The following SLC16A7 variants were observed in gnomAD, a reference collection of about 807,000 sequenced individuals.
SLC16A7 encodes monocarboxylate transporter 2.
Under a neutral mutation model 34.9 loss-of-function variants are expected in SLC16A7, and 33 were observed. The ratio of observed to expected loss-of-function variants is 0.94; its 90% CI spans 0.72 to 1.26. The LOEUF (loss-of-function observed/expected upper bound fraction) is 1.26, where lower values mean the gene tolerates loss of function less well. SLC16A7 is among the 50% of genes most tolerant of loss of function. SLC16A7 has a pLI of 0.00. For synonymous variants in SLC16A7, 201 were observed against 206.6 expected (o/e 0.97, Z 0.23); for missense variants, 573 against 578.1 (o/e 0.99, Z 0.09).
chr12:59,646,971 C>T (rs1270582062), intron 1 of SLC16A7, among the ~76,000 whole-genome samples: 3 of 152,092 alleles, frequency 2.0e-5, no homozygotes, highest in Non-Finnish European at 2.9e-5. Flanking sequence ...GTGTATATAC[C>T]CAATTCCTGT....
At chr12:59,648,395 G>A (rs1238031715) in intron 1 of SLC16A7, among the ~76,000 whole-genome samples, 1 of 152,098 alleles carries the variant, frequency 6.6e-6, no homozygotes, top group African/African-American at 2.4e-5. Flanking sequence ...GATTATAGAT[G>A]ATATTAATAT....
intron 2 of SLC16A7, among the ~76,000 whole-genome samples, chr12:59,681,403 C>T (rs888626411): frequency 2.6e-5 from 4 of 152,194 alleles, no homozygotes; most frequent in Admixed American, 6.5e-5. Flanking sequence ...AGTACACTAG[C>T]TCTGTAAGCA....
Position 59,732,632 on chromosome 12 carries a change from C to T in SLC16A7, c.217+27614C>T, listed in dbSNP as rs147051909. The stretch of plus-strand genomic sequence containing the variant: ...CAGGGAGTTTCAAACTCCTTTCTTC[C>T]TGTATTACTTAAATTTCTCAAATAC... On this transcript the variant is annotated intron_variant, in intron 3 of 5. Coordinates refer to ENST00000547379, the MANE Select transcript of SLC16A7 (RefSeq NM_001270623.2). 3.9e-5 allele frequency among the ~76,000 whole-genome samples: 6 copies of T among 152,272 alleles called. No homozygotes were observed. The East Asian group carries it at 1.2e-3, about 29-fold the overall frequency.
intron 3 of SLC16A7, chr12:59,768,260 A>T (rs1474385921): frequency 2.2e-6 from 1 of 452,676 alleles, no homozygotes; most frequent in Admixed American, 2.4e-5. Context: ...ACATTAACAG[A>T]AGTTTGGAAG....
intron 2 of SLC16A7, among the ~76,000 whole-genome samples, chr12:59,662,505 A>C (rs1868908319): frequency 6.6e-6 from 1 of 152,022 alleles, no homozygotes. Context: ...TACTTTTGAG[A>C]ATTTATAACC....
chr12:59,644,502 AACT>A (rs895656151), intron 1 of SLC16A7, among the ~76,000 whole-genome samples: 1 of 152,144 alleles, frequency 6.6e-6, no homozygotes, highest in African/African-American at 2.4e-5. Flanking sequence ...TGGAGGTGGA[AACT>A]GCAGTAAGCC....
chr12:59,704,115 G>A (rs1416245467), intron 2 of SLC16A7, among the ~76,000 whole-genome samples: 4 of 145,032 alleles, frequency 2.8e-5, no homozygotes, highest in Middle Eastern at 3.7e-3. Context: ...CAGGAGGATC[G>A]CTTGAACCTG....
chr12:59,772,928 T>G lies in SLC16A7; in HGVS notation c.361+1566T>G, dbSNP rs113804181. ...CAGGAAGTCTAAGTGTTTTGCCCAGTAATATAAAATAGGTACCTATTTGGA... is the reference window on the plus strand; with the variant it reads ...CAGGAAGTCTAAGTGTTTTGCCCAGGAATATAAAATAGGTACCTATTTGGA... On this transcript the variant is annotated intron_variant, in intron 4 of 5. Coordinates refer to ENST00000547379, the MANE Select transcript of SLC16A7 (RefSeq NM_001270623.2). Among the ~76,000 whole-genome samples, 174 of 152,196 alleles carry G rather than the reference T, an allele frequency of 1.1e-3. 2 individuals carry two copies. Among genetic ancestry groups the G allele is most frequent in the African/African-American group, 4.1e-3 (170 of 41,532 alleles).
At chr12:59,642,173 A>G (rs1880714299) in intron 1 of SLC16A7, among the ~76,000 whole-genome samples, 1 of 152,078 alleles carries the variant, frequency 6.6e-6, no homozygotes, top group Non-Finnish European at 1.5e-5. Context: ...TTGCTCTGTT[A>G]GCATTTCCTG....
At chr12:59,770,013 TGTTAA>T (rs1314990813) in intron 3 of SLC16A7, among the ~76,000 whole-genome samples, 1 of 152,102 alleles carries the variant, frequency 6.6e-6, no homozygotes, top group African/African-American at 2.4e-5. Context: ...TAGTCTCAAT[TGTTAA>T]GTTACACTGT....
chr12:59,627,039 A>G (rs1397796509), intron 1 of SLC16A7, among the ~76,000 whole-genome samples: 6 of 151,806 alleles, frequency 4.0e-5, no homozygotes, highest in Non-Finnish European at 1.5e-5. Context: ...GTTTAAATTA[A>G]TTCTTGTTAT....
At chr12:59,743,487 A>T (rs1172332430) in intron 3 of SLC16A7, among the ~76,000 whole-genome samples, 5 of 152,168 alleles carry the variant, frequency 3.3e-5, no homozygotes, top group Non-Finnish European at 5.9e-5. Context: ...CCTTAAAGGC[A>T]GGCATCATAA....
At position 59,774,665 on chromosome 12, in the gene SLC16A7, T is replaced by C; in HGVS notation, c.370T>C (p.Leu124=). 6.3e-7 allele frequency: 1 copy of C among 1,581,892 alleles called. No homozygotes were observed. The highest frequency in any genetic ancestry group is 8.6e-7 in the Non-Finnish European group (1 of 1,166,450). The change falls in exon 5 of 6, where the codon TTA becomes CTA. Residue 124 remains leucine (L), a synonymous_variant. Transcript: ENST00000547379. ...LTMGFITGLG[L]AFNLQPALTI... ...TGTTTTGTTCTTTTTAGGTTTAGGTTTAGCCTTCAACCTGCAACCCGCCTT... is the reference window on the plus strand; with the variant it reads ...TGTTTTGTTCTTTTTAGGTTTAGGTCTAGCCTTCAACCTGCAACCCGCCTT...
intron 1 of SLC16A7, among the ~76,000 whole-genome samples, chr12:59,642,694 T>C (rs1348702231): frequency 6.6e-6 from 1 of 152,100 alleles, no homozygotes; most frequent in African/African-American, 2.4e-5. Context: ...TAGTCAAAGT[T>C]ATAGAATGAA....
chr12:59,752,983 G>C (rs1249705150), intron 3 of SLC16A7, among the ~76,000 whole-genome samples: 1 of 152,166 alleles, frequency 6.6e-6, no homozygotes, highest in African/African-American at 2.4e-5. Flanking sequence ...TTTCAACCCA[G>C]AATTTCATAT....
chr12:59,739,493 G>C (rs574475972), intron 3 of SLC16A7, among the ~76,000 whole-genome samples: 156 of 140,804 alleles, frequency 1.1e-3, no homozygotes, highest in African/African-American at 3.3e-3. Context: ...GAATAGTGCC[G>C]CAATAAATAT....
At chr12:59,738,287 AACTAT>A (rs1192988315) in intron 3 of SLC16A7, among the ~76,000 whole-genome samples, 1 of 152,190 alleles carries the variant, frequency 6.6e-6, no homozygotes, top group African/African-American at 2.4e-5. Context: ...TAAAATATGC[AACTAT>A]ACTATAAGAT....
In SLC16A7 at chr12:59,694,415, G is replaced by A. The variant is rs143872100; in HGVS notation, c.-30-10357G>A. Reference sequence around the variant, plus strand: ...AGCTGTCTATAATGTATACAACCTGGTTAGTTTGGAGATAAGTGTACACCC... The same window carrying A: ...AGCTGTCTATAATGTATACAACCTGATTAGTTTGGAGATAAGTGTACACCC... On this transcript the variant is annotated intron_variant, in intron 2 of 5. Transcript: ENST00000547379. Among the ~76,000 whole-genome samples the A allele has an allele frequency of 1.9e-3, 294 of 151,962 alleles. 1 individual carries two copies. Among genetic ancestry groups the A allele is most frequent in the Middle Eastern group, 0.017 (5 of 294 alleles).
At chr12:59,735,557 A>G (rs1371470080) in intron 3 of SLC16A7, among the ~76,000 whole-genome samples, 1 of 152,188 alleles carries the variant, frequency 6.6e-6, no homozygotes, top group Non-Finnish European at 1.5e-5. Context: ...ATGAGAAAAT[A>G]TGACTATTTC....
Sources: allele counts gnomAD v4.1 joint callset (sites outside exome capture counted in the v4.1 genomes callset), GRCh38; gene constraint gnomAD v4.1.1; transcripts MANE v1.5; gene names NCBI Gene and HGNC (gene_info 2026-07-23, HGNC 2026-07-21).